The following HEATR1 variants were observed in gnomAD, a reference collection of about 807,000 sequenced individuals.
The protein encoded by HEATR1 is HEAT repeat containing 1.
In HEATR1, 77 loss-of-function variants were observed where a neutral mutation model predicts 248.2. That is an observed-to-expected ratio of 0.31 (90% confidence interval 0.26 to 0.37). The LOEUF is 0.37. HEATR1 is among the 10% of genes least tolerant of loss of function. HEATR1 has a pLI of 1.00. For synonymous variants in HEATR1, 897 were observed against 923.1 expected, an observed-to-expected ratio of 0.97 and a Z score of 0.51; for missense variants, 2,420 against 2,504.9, an observed-to-expected ratio of 0.97 and a Z score of 0.72.
intron 29 of HEATR1, 97 bp downstream of exon 29, chr1:236,568,899 A>AAC (rs1553282009): frequency 0.036 from 19,343 of 539,290 alleles, 156 homozygotes; most frequent in Non-Finnish European, 0.039. Flanking sequence ...AAAAAAAAAC[A>AAC]AAAAAAAAAA....
chr1:236,598,139 T>C (rs910712455), intron 4 of HEATR1, among the ~76,000 whole-genome samples, 160 bp from the exon 5 acceptor site: 1 of 152,192 alleles, frequency 6.6e-6, no homozygotes, highest in African/African-American at 2.4e-5. Context: ...ACACATAAAA[T>C]CATGTAAACT....
chr1:236,582,114 A>AT (rs1379966246), intron 19 of HEATR1, among the ~76,000 whole-genome samples: 3 of 151,332 alleles, frequency 2.0e-5, no homozygotes, highest in South Asian at 2.1e-4. Flanking sequence ...TTTATTTATT[A>AT]TTTTTTTTGA....
intron 44 of HEATR1, 82 bp from the exon 45 acceptor site, chr1:236,551,072 C>T (rs1202822436): frequency 1.8e-6 from 2 of 1,094,664 alleles, no homozygotes; most frequent in South Asian, 1.5e-5. Flanking sequence ...TTCTTAATGC[C>T]TTGCACTTTC....
intron 5 of HEATR1, among the ~76,000 whole-genome samples, 154 bp downstream of exon 5, chr1:236,597,724 T>C (rs1664215103): frequency 6.6e-6 from 1 of 150,934 alleles, no homozygotes; most frequent in Admixed American, 6.6e-5. Context: ...AGATACGGAC[T>C]CTCAAACTGC....
At chr1:236,562,278 A>G (rs1663150434) in intron 32 of HEATR1, among the ~76,000 whole-genome samples, 1 of 152,228 alleles carries the variant, frequency 6.6e-6, no homozygotes, top group African/African-American at 2.4e-5. Context: ...ATCTTCTCTC[A>G]GCCTGTGGCT....
chr1:236,558,140 G>A (rs1311435145), intron 36 of HEATR1, 97 bp downstream of exon 36: 12 of 1,284,952 alleles, frequency 9.3e-6, no homozygotes, highest in Admixed American at 9.2e-5. Context: ...TTTATGCAAC[G>A]TCTACTCAGA....
At chr1:236,597,335 C>T (rs2102797610) in intron 5 of HEATR1, among the ~76,000 whole-genome samples, 1 of 151,446 alleles carries the variant, frequency 6.6e-6, no homozygotes, top group East Asian at 1.9e-4. Context: ...TCACTGCAAC[C>T]TCCGCCTCCC....
At chr1:236,578,422 T>C (rs976449729) in intron 20 of HEATR1, among the ~76,000 whole-genome samples, 1 of 152,242 alleles carries the variant, frequency 6.6e-6, no homozygotes, top group Non-Finnish European at 1.5e-5. Flanking sequence ...ATGCCTTTGT[T>C]TTCCCAATTA....
chr1:236,582,261 C>G (rs1663771260), intron 19 of HEATR1, among the ~76,000 whole-genome samples: 1 of 151,956 alleles, frequency 6.6e-6, no homozygotes, highest in Non-Finnish European at 1.5e-5. Flanking sequence ...CCCGCCACCA[C>G]ACCCGGCTAA....
In HEATR1 at chr1:236,570,297, C is replaced by T. The variant is rs150585304; in HGVS notation, c.3948+1054G>A. ...GAGCGAGACTCCGTCTCAAAACAAA[C>T]AAACAAACAAACAAAAACATTATGC... On this transcript the variant is annotated intron_variant, in intron 28 of 44. Transcript: ENST00000366582. Among the ~76,000 whole-genome samples the T allele has an allele frequency of 4.8e-4, 73 of 152,216 alleles. 1 individual carries two copies. The highest frequency in any genetic ancestry group is 1.7e-3 in the African/African-American group (71 of 41,514).
rs200369778 is a variant in HEATR1 at position 236,596,959 on chromosome 1, C to T, written c.621G>A (p.Pro207=). Residue 207 remains proline (P), a synonymous_variant, in exon 6 of 45, where the codon CCG becomes CCA. Transcript: ENST00000366582. ...TKSVKVFAEY[P]GSSAQLRVLL... The stretch of plus-strand genomic sequence containing the variant: ...GCACCCTCAACTGAGCTGAGCTGCC[C>T]GGGTACTCAGCAAAAACCTGAAACA... The T allele has an allele frequency of 3.8e-5, 61 of 1,611,108 alleles. No homozygotes were observed. The Admixed American group carries it at 8.1e-4, about 21-fold the overall frequency.
At chr1:236,567,260 A>G (rs1433233469) in intron 29 of HEATR1, among the ~76,000 whole-genome samples, 1 of 152,196 alleles carries the variant, frequency 6.6e-6, no homozygotes, top group Non-Finnish European at 1.5e-5. Context: ...TTACAGGTGC[A>G]TGCCACCACA....
chr1:236,591,982 GAAC>G lies in HEATR1; in HGVS notation c.1422+8_1422+10del, dbSNP rs766691930. On this transcript the variant is annotated splice_region_variant and intron_variant, in intron 11 of 44. Coordinates refer to ENST00000366582, the MANE Select transcript of HEATR1 (RefSeq NM_018072.6). Reference sequence around the variant, plus strand: ...CCCAAATTGTCATAATTCCTTTGGAGAACAACATACCTGATACTTTCCTCCACT... The same window carrying G: ...CCCAAATTGTCATAATTCCTTTGGAGAACATACCTGATACTTTCCTCCACT... 1 of 1,480,988 alleles carries G rather than the reference GAAC, an allele frequency of 6.8e-7. No individual in the cohort carries two copies. Among genetic ancestry groups the G allele is most frequent in the African/African-American group, 1.4e-5 (1 of 72,202 alleles). The allele number at this position is 1,480,988 out of a possible 1,614,324, so 91.7% of individuals were successfully genotyped here.
chr1:236,557,142 C>G lies in HEATR1; in HGVS notation c.5355+53G>C, dbSNP rs1017708863. ...AAAACAAAATCACTACATTTGTGATCTTTTACCTTCCCCAGCCACCCTGCG... is the reference window on the plus strand; with the variant it reads ...AAAACAAAATCACTACATTTGTGATGTTTTACCTTCCCCAGCCACCCTGCG... On this transcript the variant is annotated intron_variant, in intron 37 of 44. Coordinates refer to ENST00000366582, the MANE Select transcript of HEATR1 (RefSeq NM_018072.6). The G allele has an allele frequency of 1.5e-5, 24 of 1,575,432 alleles. No homozygotes were observed. The African/African-American group carries it at 3.3e-4, about 21-fold the overall frequency.
Position 236,569,127 on chromosome 1 carries a change from G to A in HEATR1, c.3949-3C>T, listed in dbSNP as rs79830964. On this transcript the variant is annotated splice_region_variant and splice_polypyrimidine_tract_variant and intron_variant, in intron 28 of 44. Transcript: ENST00000366582. ...ATGATATTGTGTAAAACTTTATCCTGAAAGAAAACACAACTATCAACATTT... is the reference window on the plus strand; with the variant it reads ...ATGATATTGTGTAAAACTTTATCCTAAAAGAAAACACAACTATCAACATTT... The A allele has an allele frequency of 0.017, 26,313 of 1,564,662 alleles. 843 individuals carry two copies. The highest frequency in any genetic ancestry group is 0.13 in the East Asian group (5,911 of 43,972).
At chr1:236,584,963 C>G (rs1195464203) in intron 17 of HEATR1, 62 bp downstream of exon 17, 2 of 1,424,958 alleles carry the variant, frequency 1.4e-6, no homozygotes, top group African/African-American at 2.9e-5. Flanking sequence ...TTTGCTGTGA[C>G]TAATAGGCCA....
intron 3 of HEATR1, 44 bp from the exon 4 acceptor site, chr1:236,599,668 T>A (rs1664265493): frequency 6.5e-7 from 1 of 1,543,474 alleles, no homozygotes; most frequent in Non-Finnish European, 8.8e-7. Flanking sequence ...CAAAACTTAA[T>A]AATAAGCACC....
At chr1:236,556,611 G>T (rs78251573) in intron 37 of HEATR1, among the ~76,000 whole-genome samples, 3,785 of 152,228 alleles carry the variant, frequency 0.025, 128 homozygotes, top group East Asian at 0.14. Flanking sequence ...CTCTGAGAAG[G>T]CTACTTTTAA....
chr1:236,569,441 A>G (rs779361440), intron 28 of HEATR1, among the ~76,000 whole-genome samples: 5 of 152,128 alleles, frequency 3.3e-5, no homozygotes, highest in Non-Finnish European at 5.9e-5. Flanking sequence ...GCCACAAGTG[A>G]TATTCCTGCT....
Sources: gnomAD v4.1 joint callset for allele counts (sites outside exome capture counted in the v4.1 genomes callset) on GRCh38, gnomAD v4.1.1 for gene constraint, MANE v1.5 for transcripts, NCBI Gene and HGNC (gene_info 2026-07-23, HGNC 2026-07-21) for gene names.